Variants in CPNE4 observed in about 807,000 individuals in gnomAD.
The protein encoded by CPNE4 is copine 4, also known as copine-4.
A neutral mutation model predicts 67.9 loss-of-function variants in CPNE4; 25 were observed. The ratio of observed to expected loss-of-function variants is 0.37; its 90% CI spans 0.27 to 0.51. The LOEUF (loss-of-function observed/expected upper bound fraction) is 0.51, where lower values mean the gene tolerates loss of function less well. Among genes scored for constraint, CPNE4 ranks in the 20% least tolerant of loss-of-function variants. CPNE4 has a pLI of 0.93. For missense variants in CPNE4, 464 were observed against 690.8 expected, an observed-to-expected ratio of 0.67 and a Z score of 3.68; for synonymous variants, 242 against 244.9, an observed-to-expected ratio of 0.99 and a Z score of 0.11.
intron 8 of CPNE4, among the ~76,000 whole-genome samples, chr3:131,583,203 C>T (rs1197336703): frequency 6.6e-6 from 1 of 152,196 alleles, no homozygotes; most frequent in Non-Finnish European, 1.5e-5. Context: ...AAGGCCTAAT[C>T]TCCTAATCTG....
rs1191108285 is a variant in CPNE4, at chr3:131,991,531, A to C, written c.-2+43036T>G. Among the ~76,000 whole-genome samples the C allele has an allele frequency of 3.7e-5, 5 of 135,948 alleles. 1 individual carries two copies. The allele number at this position is 135,948 out of a possible 152,430, so 89.2% of individuals were successfully genotyped here. On this transcript the variant is annotated intron_variant, in intron 1 of 15. Transcript: ENST00000429747. ...TTTGAACTTGAGAGAAATGATTAGG[A>C]TATCTAGTGGAAGAAATTTCTAAGT...
At chr3:131,984,076 C>G (rs1328018233) in intron 1 of CPNE4, among the ~76,000 whole-genome samples, 1 of 152,190 alleles carries the variant, frequency 6.6e-6, no homozygotes, top group Non-Finnish European at 1.5e-5. Flanking sequence ...GACAACTCCT[C>G]TTCAAAGCAT....
intron 2 of CPNE4, among the ~76,000 whole-genome samples, chr3:131,774,205 T>C (rs2083239358): frequency 6.6e-6 from 1 of 152,054 alleles, no homozygotes; most frequent in Non-Finnish European, 1.5e-5. Context: ...CCATGATTAG[T>C]TAAAACCCCA....
Position 131,979,573 on chromosome 3 carries a change from C to G in CPNE4, c.-2+54994G>C, listed in dbSNP as rs191561303. On this transcript the variant is annotated intron_variant, in intron 1 of 15. Transcript: ENST00000429747. ...CCTTTACTTTAAACTTATGTGAGGCCTTATATGTTAGGTGAGTCTCCTGAA... is the reference window on the plus strand; with the variant it reads ...CCTTTACTTTAAACTTATGTGAGGCGTTATATGTTAGGTGAGTCTCCTGAA... 4.9e-4 allele frequency among the ~76,000 whole-genome samples: 75 copies of G among 152,136 alleles called. No individual in the cohort carries two copies. In the East Asian group the frequency reaches 0.013, roughly 27 times the overall value.
At chr3:131,885,624 C>A (rs2087853041) in intron 2 of CPNE4, among the ~76,000 whole-genome samples, 1 of 151,834 alleles carries the variant, frequency 6.6e-6, no homozygotes, top group African/African-American at 2.4e-5. Flanking sequence ...ATTTGCCATG[C>A]TGGTGTGCTG....
chr3:131,793,404 ATCAGT>A (rs2083833346), intron 2 of CPNE4, among the ~76,000 whole-genome samples: 1 of 152,186 alleles, frequency 6.6e-6, no homozygotes, highest in Admixed American at 6.5e-5. Flanking sequence ...AAAGCTCTAT[ATCAGT>A]TATCTTTAGT....
intron 2 of CPNE4, among the ~76,000 whole-genome samples, chr3:131,882,861 C>A (rs1161771930): frequency 6.6e-6 from 1 of 151,864 alleles, no homozygotes; most frequent in African/African-American, 2.4e-5. Flanking sequence ...GGACTACAGG[C>A]ACCCGCCACC....
rs189996792 is a variant in CPNE4 at position 131,719,148 on chromosome 3, C to T, written c.360+4298G>A. ...TGGTTTAGAGATACACTGAACAAGT[C>T]ACTTGCTGCTCATTTGCTTCATCTA... On this transcript the variant is annotated intron_variant, in intron 3 of 15. Transcript: ENST00000429747. Among the ~76,000 whole-genome samples, 5 of 152,342 alleles carry T rather than the reference C, an allele frequency of 3.3e-5. No homozygotes were observed. In the East Asian group the frequency reaches 9.6e-4, roughly 29 times the overall value.
rs573948574 is a variant in CPNE4, at chr3:131,773,422, A to G, written c.181-49797T>C. 2.0e-5 allele frequency among the ~76,000 whole-genome samples: 3 copies of G among 152,134 alleles called. No homozygotes were observed. In the East Asian group the frequency reaches 5.8e-4, roughly 29 times the overall value. On this transcript the variant is annotated intron_variant, in intron 2 of 15. Coordinates refer to ENST00000429747, the MANE Select transcript of CPNE4 (RefSeq NM_130808.3). ...GAATGCAGTGGTGTGATCTCAGCTC[A>G]CTTCACACTCTGCCTCCTGGGTTCA...
At chr3:131,562,760 C>G (rs1352295223) in intron 11 of CPNE4, among the ~76,000 whole-genome samples, 1 of 151,980 alleles carries the variant, frequency 6.6e-6, no homozygotes, top group Non-Finnish European at 1.5e-5. Context: ...CTCTAGGAAC[C>G]CCCTCACCCA....
At chr3:131,541,200 A>G (rs1380489833) in intron 15 of CPNE4, among the ~76,000 whole-genome samples, 1 of 152,192 alleles carries the variant, frequency 6.6e-6, no homozygotes, top group Non-Finnish European at 1.5e-5. Context: ...AGACACAGCT[A>G]GGATACTCTA....
Position 131,554,206 on chromosome 3 carries a change from C to A in CPNE4, c.1116+1291G>T, listed in dbSNP as rs1355010773. ...TCAGCAGCTCTATGAAGAAAGTGGG[C>A]ATTCACCTGTTTACATTCCCGATTT... On this transcript the variant is annotated intron_variant, in intron 12 of 15. Transcript: ENST00000429747. Among the ~76,000 whole-genome samples, 4 of 152,002 alleles carry A rather than the reference C, an allele frequency of 2.6e-5. No homozygotes were observed. In the East Asian group the frequency reaches 7.7e-4, roughly 29 times the overall value.
intron 2 of CPNE4, among the ~76,000 whole-genome samples, chr3:131,736,545 G>A (rs1022096577): frequency 1.2e-4 from 18 of 150,876 alleles, no homozygotes; most frequent in Admixed American, 2.0e-4. Context: ...ACTTGAACCC[G>A]GGAGGCGGAG....
chr3:132,035,040 C>A, upstream of CPNE4: 3 of 985,442 alleles, frequency 3.0e-6, no homozygotes, highest in Non-Finnish European at 3.6e-6. Context: ...AGCAACCCGG[C>A]AAGAGACTGG....
chr3:131,987,176 G>A (rs73208134), intron 1 of CPNE4, among the ~76,000 whole-genome samples: 11,552 of 152,196 alleles, frequency 0.076, 462 homozygotes, highest in East Asian at 0.14. Flanking sequence ...GTGGTATTTT[G>A]TAAGTTCAAG....
At chr3:131,619,269 G>A (rs1217710517) in intron 7 of CPNE4, among the ~76,000 whole-genome samples, 2 of 152,162 alleles carry the variant, frequency 1.3e-5, no homozygotes, top group Non-Finnish European at 2.9e-5. Flanking sequence ...GTGTAGCAGG[G>A]AGAGCTCTGA....
intron 7 of CPNE4, among the ~76,000 whole-genome samples, chr3:131,657,006 G>T (rs777561459): frequency 2.6e-5 from 4 of 152,194 alleles, no homozygotes; most frequent in Non-Finnish European, 4.4e-5. Flanking sequence ...AAACAAGTCC[G>T]AGAGTGTGAC....
At chr3:131,950,537 C>G (rs2071692642) in intron 1 of CPNE4, among the ~76,000 whole-genome samples, 1 of 152,134 alleles carries the variant, frequency 6.6e-6, no homozygotes, top group Non-Finnish European at 1.5e-5. Context: ...ACATGCATGT[C>G]AAGTTACTCA....
chr3:131,677,416 A>C (rs2080607894), intron 6 of CPNE4, among the ~76,000 whole-genome samples: 1 of 151,904 alleles, frequency 6.6e-6, no homozygotes, highest in South Asian at 2.1e-4. Flanking sequence ...CTTTTGCTGC[A>C]TAGGAGCTCT....
Sources: gnomAD v4.1 joint callset for allele counts (sites outside exome capture counted in the v4.1 genomes callset) on GRCh38, gnomAD v4.1.1 for gene constraint, MANE v1.5 for transcripts, NCBI Gene and HGNC (gene_info 2026-07-23, HGNC 2026-07-21) for gene names.